The following TRIP10 variants were observed in gnomAD, a reference collection of about 807,000 sequenced individuals.
TRIP10 encodes cdc42-interacting protein 4.
A neutral mutation model predicts 80.9 loss-of-function variants in TRIP10; 54 were observed. The ratio of observed to expected loss-of-function variants is 0.67; its 90% CI spans 0.54 to 0.84. The LOEUF is 0.84. Ranked by LOEUF, TRIP10 falls within the 40% of genes least tolerant of loss-of-function variation. The pLI, the probability that TRIP10 is intolerant of heterozygous loss-of-function variation, is 0.00. For missense variants in TRIP10, 773 were observed against 815.3 expected (o/e 0.95, Z 0.63); for synonymous variants, 321 against 307.2 (o/e 1.04, Z -0.47).
At chr19:6,742,230 A>G (rs1449892331) in intron 3 of TRIP10, among the ~76,000 whole-genome samples, 2 of 151,738 alleles carry the variant, frequency 1.3e-5, no homozygotes, top group African/African-American at 4.8e-5. Flanking sequence ...TCTCTTCTAA[A>G]AATACAAAAA....
chr19:6,747,923 C>T (rs1047430808), intron 11 of TRIP10, among the ~76,000 whole-genome samples: 2 of 151,288 alleles, frequency 1.3e-5, no homozygotes, highest in East Asian at 1.9e-4. Flanking sequence ...GCCTGGGCAA[C>T]GTAGTAAAAC....
In TRIP10 at chr19:6,746,391, G is replaced by A; in HGVS notation, c.1153-61G>A. 1 of 1,590,974 alleles carries A rather than the reference G, an allele frequency of 6.3e-7. No individual in the cohort carries two copies. The highest frequency in any genetic ancestry group is 1.1e-5 in the South Asian group (1 of 89,920). ...GAAGGGAGTGAAATATCTCAGACGG[G>A]TGCAGAGTCTGGCAGGCTAGACTCC... On this transcript the variant is annotated intron_variant, in intron 10 of 14. Transcript: ENST00000313244. This position sits in a 1 kb window ranked among gnomAD's most constrained non-coding sequence, Gnocchi z 6.2.
In TRIP10 at chr19:6,750,652, G is replaced by A. The variant is rs1392460531; in HGVS notation, c.1657+19G>A. 1 of 1,613,182 alleles carries A rather than the reference G, an allele frequency of 6.2e-7. No homozygotes were observed. The highest frequency in any genetic ancestry group is 8.5e-7 in the Non-Finnish European group (1 of 1,179,530). ...TTTGAAGGTGAGAACGGCCAGAGTG[G>A]GCTTGGCGGGGTATGGGAGGCAGTG... On this transcript the variant is annotated intron_variant, in intron 14 of 14. Transcript: ENST00000313244.
Position 6,744,985 on chromosome 19 carries a change from G to A in TRIP10, c.975G>A (p.Lys325=). 1 of 1,613,364 alleles carries A rather than the reference G, an allele frequency of 6.2e-7. No homozygotes were observed. Among genetic ancestry groups the A allele is most frequent in the South Asian group, 1.1e-5 (1 of 91,050 alleles). The change falls in exon 9 of 15, where the codon AAG becomes AAA. Residue 325 remains lysine, a synonymous_variant. Coordinates refer to ENST00000313244, the MANE Select transcript of TRIP10 (RefSeq NM_001288962.2). The surrounding 1 kb of genome is among the most constrained non-coding windows in gnomAD (Gnocchi z 4.9). ...GCACCAAGCGCTGGCCTTTTGGCAA[G>A]AAGAACAAGGTGGGGGCCGGGACCC... ...RSRTKRWPFG[K]KNKPRPPPLS...
In TRIP10 at chr19:6,744,787, C is replaced by A; in HGVS notation, c.790-13C>A. 3 of 1,608,236 alleles carry A rather than the reference C, an allele frequency of 1.9e-6. No homozygotes were observed. The highest frequency in any genetic ancestry group is 1.7e-5 in the Admixed American group (1 of 59,654). ...AGGCACTCGACTGCTCATCCACTGT[C>A]CCCCTCCCCCAGGACTCCCACGTCC... On this transcript the variant is annotated splice_polypyrimidine_tract_variant and intron_variant, in intron 8 of 14. Transcript: ENST00000313244. This position sits in a 1 kb window ranked among gnomAD's most constrained non-coding sequence, Gnocchi z 4.9.
At position 6,751,129 on chromosome 19, in the gene TRIP10, G is replaced by A; in HGVS notation, c.1724G>A (p.Gly575Glu). Reference protein sequence around the residue: ...EDLSLMEEDKGDGWTRVRRKE... With the variant: ...EDLSLMEEDKEDGWTRVRRKE... The stretch of plus-strand genomic sequence containing the variant: ...CTCAGTCTTATGGAAGAAGACAAAG[G>A]GGACGGCTGGACCCGGGTCAGGCGG... The change falls in exon 15 of 15, where the codon GGG (glycine) becomes GAG (glutamate). Residue 575 changes from glycine (G) to glutamate (E), a missense_variant. Transcript: ENST00000313244. The A allele has an allele frequency of 6.2e-7, 1 of 1,613,366 alleles. No homozygotes were observed. Among genetic ancestry groups the A allele is most frequent in the Non-Finnish European group, 8.5e-7 (1 of 1,179,764 alleles).
chr19:6,744,075 A>G lies in TRIP10; in HGVS notation c.642+239A>G, dbSNP rs562759743. Among the ~76,000 whole-genome samples, 22 of 152,212 alleles carry G rather than the reference A, an allele frequency of 1.4e-4. No homozygotes were observed. The highest frequency in any genetic ancestry group is 5.3e-4 in the African/African-American group (22 of 41,522). On this transcript the variant is annotated intron_variant, in intron 7 of 14. Coordinates refer to ENST00000313244, the MANE Select transcript of TRIP10 (RefSeq NM_001288962.2). This position sits in a 1 kb window ranked among gnomAD's most constrained non-coding sequence, Gnocchi z 4.9. The stretch of plus-strand genomic sequence containing the variant: ...TGGGGCCTGGCTCTGTCACCCGGGC[A>G]GGAGTGCAGTGGCATAATCACAGCT...
chr19:6,751,075 G>A lies in TRIP10; in HGVS notation c.1670G>A (p.Gly557Asp). The change falls in exon 15 of 15, where the codon GGC (glycine) becomes GAC (aspartate). Residue 557 changes from glycine to aspartate, a missense_variant. Coordinates refer to ENST00000313244, the MANE Select transcript of TRIP10 (RefSeq NM_001288962.2). ...ACCCCCATCACAGGGTCCAGCGAGG[G>A]CACTATCTCTATGGCCGAGGGTGAA... ...AIYHFEGSSEGTISMAEGEDL... is the reference protein window; with the variant it reads ...AIYHFEGSSEDTISMAEGEDL... 6.3e-7 allele frequency: 1 copy of A among 1,586,446 alleles called. No homozygotes were observed. Among genetic ancestry groups the A allele is most frequent in the South Asian group, 1.1e-5 (1 of 88,036 alleles).
In TRIP10 at chr19:6,746,602, T is replaced by C. The variant is rs769433889; in HGVS notation, c.1262+41T>C. On this transcript the variant is annotated intron_variant, in intron 11 of 14. Transcript: ENST00000313244. The surrounding 1 kb of genome is among the most constrained non-coding windows in gnomAD (Gnocchi z 6.2). ...AGGGAAGGACAGGCAAGGAACATGA[T>C]AAAATAGTAAATGAACTTCACTTAT... 2.8e-6 allele frequency: 4 copies of C among 1,420,050 alleles called. No homozygotes were observed. Among genetic ancestry groups the C allele is most frequent in the Admixed American group, 3.5e-5 (2 of 57,314 alleles). 88.0% of individuals were successfully genotyped at this position (1,420,050 alleles called of 1,614,324 possible).
In TRIP10 at chr19:6,746,156, C is replaced by T. The variant is rs759521484; in HGVS notation, c.1112C>T (p.Pro371Leu). The change falls in exon 10 of 15, where the codon CCG becomes CTG. Residue 371 changes from proline to leucine, a missense_variant. Transcript: ENST00000313244. The surrounding 1 kb of genome is among the most constrained non-coding windows in gnomAD (Gnocchi z 6.2). ...AGCGAGATCAGTAAGTCGGTCAAAC[C>T]GAGGCTAGCATCCTTCCGCAGCCTT... Reference protein sequence around the residue: ...ILSEISKSVKPRLASFRSLRG... With the variant: ...ILSEISKSVKLRLASFRSLRG... 40 of 1,546,870 alleles carry T rather than the reference C, an allele frequency of 2.6e-5. No homozygotes were observed. The South Asian group carries it at 4.1e-4, about 16-fold the overall frequency.
At chr19:6,749,762 T>C (rs912129108) in intron 11 of TRIP10, among the ~76,000 whole-genome samples, 172 bp from the exon 12 acceptor site, 5 of 151,312 alleles carry the variant, frequency 3.3e-5, no homozygotes, top group African/African-American at 1.2e-4. Flanking sequence ...GAGGCAGGAG[T>C]ATCACTTGAG....
intron 11 of TRIP10, among the ~76,000 whole-genome samples, chr19:6,747,779 C>A (rs7249848): frequency 6.9e-6 from 1 of 145,560 alleles, no homozygotes; most frequent in African/African-American, 2.6e-5. Context: ...GGTAACACAG[C>A]GAGTCTCTAC....
intron 1 of TRIP10, 185 bp from the exon 2 acceptor site, chr19:6,740,825 A>T (rs1968892576): frequency 3.5e-6 from 2 of 575,840 alleles, no homozygotes; most frequent in East Asian, 5.8e-5. Context: ...CCTTCCCGGG[A>T]AGGGGAGGGG....
Position 6,751,484 on chromosome 19 carries a change from G to T in TRIP10, c.*273G>T. 3 of 543,180 alleles carry T rather than the reference G, an allele frequency of 5.5e-6. No homozygotes were observed. Among genetic ancestry groups the T allele is most frequent in the Non-Finnish European group, 5.4e-6 (2 of 372,150 alleles). 33.6% of individuals were successfully genotyped at this position (543,180 alleles called of 1,614,324 possible). ...GCCATTTTGTTTTATACAAAAATGG[G>T]AAAAAAAAAAAAGAAATTATATAAA... On this transcript the variant is annotated 3_prime_UTR_variant, in exon 15 of 15. Coordinates refer to ENST00000313244, the MANE Select transcript of TRIP10 (RefSeq NM_001288962.2).
At position 6,746,649 on chromosome 19, in the gene TRIP10, TTATTTTATTA is replaced by T. The variant is rs1969144106; in HGVS notation, c.1262+98_1262+107del. On this transcript the variant is annotated intron_variant, in intron 11 of 14. Coordinates refer to ENST00000313244, the MANE Select transcript of TRIP10 (RefSeq NM_001288962.2). The surrounding 1 kb of genome is among the most constrained non-coding windows in gnomAD (Gnocchi z 6.2). ...TTATTTGTTTATTATTTTATTTTATTTATTTTATTATATTTTATTTTGTGACAGGGTCTTA... is the reference window on the plus strand; with the variant it reads ...TTATTTGTTTATTATTTTATTTTATTTATTTTATTTTGTGACAGGGTCTTA... 9 of 925,472 alleles carry T rather than the reference TTATTTTATTA, an allele frequency of 9.7e-6. No individual in the cohort carries two copies. Among genetic ancestry groups the T allele is most frequent in the African/African-American group, 1.8e-5 (1 of 56,896 alleles). The allele number at this position is 925,472 out of a possible 1,614,324, so 57.3% of individuals were successfully genotyped here.
chr19:6,743,918 G>C lies in TRIP10; in HGVS notation c.642+82G>C, dbSNP rs1001346405. ...CTCCTACGCATTCATCAAAACCCCAGCTGCAATGTCCCAGTCCCTAGATTG... is the reference window on the plus strand; with the variant it reads ...CTCCTACGCATTCATCAAAACCCCACCTGCAATGTCCCAGTCCCTAGATTG... On this transcript the variant is annotated intron_variant, in intron 7 of 14. Transcript: ENST00000313244. 2.0e-5 allele frequency: 31 copies of C among 1,545,052 alleles called. No homozygotes were observed. The African/African-American group carries it at 3.8e-4, about 19-fold the overall frequency.
chr19:6,742,348 C>T (rs1039775096), intron 3 of TRIP10, among the ~76,000 whole-genome samples: 1 of 151,930 alleles, frequency 6.6e-6, no homozygotes, highest in African/African-American at 2.4e-5. Flanking sequence ...CAAGATCGCA[C>T]CACTGCACTC....
At chr19:6,740,652 T>G (rs1968887437) in intron 1 of TRIP10, 4 of 247,076 alleles carry the variant, frequency 1.6e-5, no homozygotes, top group Non-Finnish European at 3.2e-5. Flanking sequence ...CCTCTGGCCT[T>G]GACTCACGCC....
At chr19:6,747,577 G>A (rs1969173652) in intron 11 of TRIP10, among the ~76,000 whole-genome samples, 2 of 151,916 alleles carry the variant, frequency 1.3e-5, no homozygotes. Flanking sequence ...CAGATCACGT[G>A]AGGTCAGGAG....
Sources: allele counts gnomAD v4.1 joint callset (sites outside exome capture counted in the v4.1 genomes callset), GRCh38; gene constraint gnomAD v4.1.1; non-coding constraint Gnocchi (gnomAD v3.1); transcripts MANE v1.5; gene names NCBI Gene and HGNC (gene_info 2026-07-23, HGNC 2026-07-21).